Variants in C1R observed in about 807,000 individuals in gnomAD.
C1R encodes the protein complement C1r.
Under a neutral mutation model 27.6 loss-of-function variants are expected in C1R, and 15 were observed. That is an observed-to-expected ratio of 0.54 (90% confidence interval 0.36 to 0.84). The LOEUF (loss-of-function observed/expected upper bound fraction) is 0.84. Ranked by LOEUF, C1R falls within the 40% of genes least tolerant of loss-of-function variation. The probability of loss-of-function intolerance (pLI) is 0.01; values close to 1 mark genes in which losing one functional copy is unlikely to be tolerated. For synonymous variants in C1R, 253 were observed against 228.8 expected (o/e 1.11, Z -0.95); for missense variants, 544 against 577.9 (o/e 0.94, Z 0.60).
intron 9 of C1R, among the ~76,000 whole-genome samples, chr12:7,083,222 A>G (rs1938095103): frequency 1.3e-5 from 2 of 150,294 alleles, no homozygotes; most frequent in African/African-American, 4.9e-5. Context: ...GTTGGTGGTG[A>G]TGGTGTTGTT....
In C1R at chr12:7,089,362, G is replaced by A. The variant is rs1438499650; in HGVS notation, c.699C>T (p.His233=). 1 of 780,702 alleles carries A rather than the reference G, an allele frequency of 1.3e-6. No individual in the cohort carries two copies. Among genetic ancestry groups the A allele is most frequent in the Non-Finnish European group, 2.4e-6 (1 of 417,922 alleles). The allele number at this position is 780,702 out of a possible 1,614,324, so 48.4% of individuals were successfully genotyped here. A position where few individuals can be genotyped will look rare whatever the true frequency, so the allele number is the denominator to read the frequency against. The change falls in exon 5 of 11, where the codon CAC becomes CAT. Residue 233 remains histidine, a synonymous_variant. Transcript: ENST00000647956. ...SIRVERGLTL[H]LKFLEPFDID... is the part of the protein sequence containing the mutation. ...TATCAAAAGGCTCCAGGAACTTGAG[G>A]TGCAGGGTGAGGCCCCGCTCCACCC...
chr12:7,092,234 G>A (rs1938293472), intron 1 of C1R, 153 bp downstream of exon 1: 5 of 701,164 alleles, frequency 7.1e-6, no homozygotes, highest in South Asian at 6.2e-5. Context: ...GGAGGGATGG[G>A]GCGTGTGTTG....
At chr12:7,087,682 T>C (rs979651230) in intron 7 of C1R, 1 of 154,344 alleles carries the variant, frequency 6.5e-6, no homozygotes, top group Non-Finnish European at 1.5e-5. Context: ...TAAAGAACAA[T>C]GCATCAGGTG....
chr12:7,091,597 A>C lies in C1R; in HGVS notation c.86T>G (p.Val29Gly). Reference sequence around the variant, plus strand: ...AGGCTTGGGGAACAGAGGGGAAGTCACCTCCCCAAATAACTTCTGAGGGAT... The same window carrying C: ...AGGCTTGGGGAACAGAGGGGAAGTCCCCTCCCCAAATAACTTCTGAGGGAT... ...IPIPQKLFGE[V>G]TSPLFPKPYP... Residue 29 changes from valine to glycine, a missense_variant, in exon 2 of 11, where the codon GTG (valine) becomes GGG (glycine). Physicochemically the swap from Val to Gly is moderately radical, Grantham distance 109. Transcript: ENST00000647956. This position sits in a 1 kb window ranked among gnomAD's most constrained non-coding sequence, Gnocchi z 5.1. The C allele has an allele frequency of 1.3e-6, 1 of 768,582 alleles. No homozygotes were observed. The highest frequency in any genetic ancestry group is 1.4e-5 in the South Asian group (1 of 72,328). 47.6% of individuals were successfully genotyped at this position (768,582 alleles called of 1,614,324 possible). A position where few individuals can be genotyped will look rare whatever the true frequency, so the allele number is the denominator to read the frequency against.
At position 7,081,198 on chromosome 12, in the gene C1R, G is replaced by C; in HGVS notation, c.1452C>G (p.His484Gln). The C allele has an allele frequency of 6.2e-7, 1 of 1,613,484 alleles. No individual in the cohort carries two copies. Among genetic ancestry groups the C allele is most frequent in the Non-Finnish European group, 8.5e-7 (1 of 1,179,654 alleles). Residue 484 changes from histidine (H) to glutamine (Q), a missense_variant, in exon 11 of 11, where the codon CAC becomes CAG. This residue lies in a region of C1R where 253 missense variants were observed against 368.9 expected (regional missense o/e 0.69). Transcript: ENST00000647956. ...NFPWQVFTNI[H>Q]GRGGGALLGD... ...CCAGCAGGGCCCCGCCCCCGCGCCC[G>C]TGGATGTTGGTGAACACCTGCCAGG...
In C1R at chr12:7,088,478, G is replaced by A. The variant is rs189205337; in HGVS notation, c.1038+132C>T. On this transcript the variant is annotated intron_variant, in intron 7 of 10. Transcript: ENST00000647956. ...GTGTGCAGCAAGTTTGAGAGCTGGT[G>A]GACCAGGAGACTCTTCCAGCTGAAA... 6.2e-5 allele frequency: 44 copies of A among 713,812 alleles called. No individual in the cohort carries two copies. The Admixed American group carries it at 8.2e-4, about 13-fold the overall frequency. 44.2% of individuals were successfully genotyped at this position (713,812 alleles called of 1,614,324 possible).
intron 1 of C1R, chr12:7,092,027 T>C (rs1260766312): frequency 1.8e-6 from 1 of 555,780 alleles, no homozygotes; most frequent in African/African-American, 1.9e-5. Context: ...TTTCCACCCG[T>C]GGGTCTCTGA....
intron 9 of C1R, 131 bp from the exon 10 acceptor site, chr12:7,082,237 G>A (rs1938077526): frequency 8.9e-6 from 6 of 671,186 alleles, no homozygotes; most frequent in South Asian, 1.6e-5. Context: ...AAGGGCCAAA[G>A]GTCAAAGGCT....
In C1R at chr12:7,091,885, G is replaced by C; in HGVS notation, c.3-205C>G. ...CTGCTGCATCGGGTCACTCTCCAGG[G>C]CAGTGTCCAGTCCAGAGGCCACCAC... On this transcript the variant is annotated intron_variant, in intron 1 of 10. Transcript: ENST00000647956. The surrounding 1 kb of genome is among the most constrained non-coding windows in gnomAD (Gnocchi z 5.1). 1 of 691,524 alleles carries C rather than the reference G, an allele frequency of 1.4e-6. No individual in the cohort carries two copies. Among genetic ancestry groups the C allele is most frequent in the Admixed American group, 2.0e-5 (1 of 49,676 alleles). 42.8% of individuals were successfully genotyped at this position (691,524 alleles called of 1,614,324 possible). A position where few individuals can be genotyped will look rare whatever the true frequency, so the allele number is the denominator to read the frequency against.
At chr12:7,081,900 T>A in intron 10 of C1R, 132 bp downstream of exon 10, 1 of 702,952 alleles carries the variant, frequency 1.4e-6, no homozygotes. Context: ...TTCAGCACTC[T>A]GTCCCTCTCT....
At chr12:7,089,250 C>T (rs1286984264) in intron 5 of C1R, 43 bp downstream of exon 5, 1 of 766,296 alleles carries the variant, frequency 1.3e-6, no homozygotes. Context: ...CAAGTGCAGA[C>T]AGAAGGGGAG....
In C1R at chr12:7,091,389, A is replaced by ACAGATCC. The variant is rs1331649875; in HGVS notation, c.231+56_231+62dup. 6 of 709,912 alleles carry ACAGATCC rather than the reference A, an allele frequency of 8.5e-6. No homozygotes were observed. Among genetic ancestry groups the ACAGATCC allele is most frequent in the East Asian group, 5.4e-5 (2 of 37,294 alleles). 44.0% of individuals were successfully genotyped at this position (709,912 alleles called of 1,614,324 possible). A position where few individuals can be genotyped will look rare whatever the true frequency, so the allele number is the denominator to read the frequency against. On this transcript the variant is annotated intron_variant, in intron 2 of 10. Coordinates refer to ENST00000647956, the MANE Select transcript of C1R (RefSeq NM_001733.7). This position sits in a 1 kb window ranked among gnomAD's most constrained non-coding sequence, Gnocchi z 5.1. ...CTGTGTCTGGGGGTGTGCATGCCAT[A>ACAGATCC]CAGATCCCAGATCCCAGAGGGCCCA...
chr12:7,089,804 G>A, intron 3 of C1R, 71 bp from the exon 4 acceptor site: 1 of 749,038 alleles, frequency 1.3e-6, no homozygotes, highest in Non-Finnish European at 2.5e-6. Flanking sequence ...ATCTTAGGGA[G>A]GTCACTCACC....
chr12:7,089,051 T>C lies in C1R; in HGVS notation c.769-65A>G, dbSNP rs1325459849. The C allele has an allele frequency of 3.2e-5, 21 of 661,712 alleles. No individual in the cohort carries two copies. In the Admixed American group the frequency reaches 4.8e-4, roughly 15 times the overall value. The allele number at this position is 661,712 out of a possible 1,614,324, so 41.0% of individuals were successfully genotyped here. A position where few individuals can be genotyped will look rare whatever the true frequency, so the allele number is the denominator to read the frequency against. Reference sequence around the variant, plus strand: ...TTTTTACACAGGGCCAACTGGGTAGTAGCCTGGTGGCCAGGGTGGTGGTGG... The same window carrying C: ...TTTTTACACAGGGCCAACTGGGTAGCAGCCTGGTGGCCAGGGTGGTGGTGG... On this transcript the variant is annotated intron_variant, in intron 5 of 10. Coordinates refer to ENST00000647956, the MANE Select transcript of C1R (RefSeq NM_001733.7).
Position 7,080,281 on chromosome 12 carries a change from T to C in C1R, c.*251A>G. 8.4e-7 allele frequency: 1 copy of C among 1,186,520 alleles called. No homozygotes were observed. Among genetic ancestry groups the C allele is most frequent in the Non-Finnish European group, 1.0e-6 (1 of 958,212 alleles). The allele number at this position is 1,186,520 out of a possible 1,614,324, so 73.5% of individuals were successfully genotyped here. On this transcript the variant is annotated 3_prime_UTR_variant, in exon 11 of 11. Transcript: ENST00000647956. This position sits in a 1 kb window ranked among gnomAD's most constrained non-coding sequence, Gnocchi z 4.9. Reference sequence around the variant, plus strand: ...ATTCAATGACCCAATGGTATCAAAGTGGAAGAGGAAAGTGACAACTAGAGA... The same window carrying C: ...ATTCAATGACCCAATGGTATCAAAGCGGAAGAGGAAAGTGACAACTAGAGA...
At chr12:7,089,256 G>C (rs1224650700) in intron 5 of C1R, 37 bp downstream of exon 5, 1 of 771,764 alleles carries the variant, frequency 1.3e-6, no homozygotes, top group Admixed American at 1.7e-5. Flanking sequence ...CAGACAGAAG[G>C]GGAGGAAGGG....
rs147540938 is a variant in C1R at position 7,080,661 on chromosome 12, C to T, written c.1989G>A (p.Pro663=). 2.6e-5 allele frequency: 42 copies of T among 1,613,902 alleles called. No homozygotes were observed. Among genetic ancestry groups the T allele is most frequent in the Middle Eastern group, 3.3e-4 (2 of 6,062 alleles). Residue 663 remains proline, a synonymous_variant, in exon 11 of 11, where the codon CCG becomes CCA. Coordinates refer to ENST00000647956, the MANE Select transcript of C1R (RefSeq NM_001733.7). The surrounding 1 kb of genome is among the most constrained non-coding windows in gnomAD (Gnocchi z 4.9). ...DSGGVFAVRD[P]NTDRWVATGI... ...CCGTGGCCACCCAGCGATCAGTGTTCGGGTCCCTTACTGCAAAAACGCCCC... is the reference window on the plus strand; with the variant it reads ...CCGTGGCCACCCAGCGATCAGTGTTTGGGTCCCTTACTGCAAAAACGCCCC...
At position 7,080,774 on chromosome 12, in the gene C1R, C is replaced by G; in HGVS notation, c.1876G>C (p.Gly626Arg). 6.2e-7 allele frequency: 1 copy of G among 1,613,964 alleles called. No individual in the cohort carries two copies. Among genetic ancestry groups the G allele is most frequent in the Non-Finnish European group, 8.5e-7 (1 of 1,179,886 alleles). The change falls in exon 11 of 11, where the codon GGA (glycine) becomes CGA (arginine). Residue 626 changes from glycine to arginine, a missense_variant. Gly to Arg is a moderately radical substitution (Grantham distance 125). Around this residue, in one of 2 missense-constraint regions of C1R, gnomAD observed 253 missense variants for 368.9 expected, o/e 0.69. Coordinates refer to ENST00000647956, the MANE Select transcript of C1R (RefSeq NM_001733.7). The surrounding 1 kb of genome is among the most constrained non-coding windows in gnomAD (Gnocchi z 4.9). ...NPQACENWLRGKNRMDVFSQN... is the reference protein window; with the variant it reads ...NPQACENWLRRKNRMDVFSQN... Reference sequence around the variant, plus strand: ...GAGAACACATCCATCCTATTCTTTCCCCGGAGCCAGTTCTCACAGGCCTGT... The same window carrying G: ...GAGAACACATCCATCCTATTCTTTCGCCGGAGCCAGTTCTCACAGGCCTGT...
chr12:7,085,250 GTGGTGGTGATCA>G, intron 9 of C1R, among the ~76,000 whole-genome samples: 2 of 150,956 alleles, frequency 1.3e-5, no homozygotes, highest in South Asian at 2.1e-4. Context: ...GTTGGTAATG[GTGGTGGTGATCA>G]TGGTAGTGTT....
Sources: gnomAD v4.1 joint callset for allele counts (sites outside exome capture counted in the v4.1 genomes callset) on GRCh38, gnomAD v4.1.1 for gene constraint, gnomAD v4.1.1 regional missense constraint, Gnocchi (gnomAD v3.1) non-coding constraint, MANE v1.5 for transcripts, NCBI Gene and HGNC (gene_info 2026-07-23, HGNC 2026-07-21) for gene names.